Variants in NFATC2 observed in about 807,000 individuals in gnomAD.
NFATC2 encodes the protein nuclear factor of activated T-cells, cytoplasmic 2.
In NFATC2, 22 loss-of-function variants were observed where a neutral mutation model predicts 87.3. The observed-to-expected ratio is 0.25, with a 90% confidence interval of 0.18 to 0.36. NFATC2 has a LOEUF of 0.36. Ranked by LOEUF, NFATC2 falls within the 10% of genes least tolerant of loss-of-function variation. The probability of loss-of-function intolerance (pLI) is 1.00; values close to 1 mark genes in which losing one functional copy is unlikely to be tolerated. For missense variants in NFATC2, 1,149 were observed against 1,259.1 expected (o/e 0.91, Z 1.32); for synonymous variants, 565 against 542.2 (o/e 1.04, Z -0.58).
At chr20:51,515,616 GGGAC>G (rs2146687180) in intron 3 of NFATC2, among the ~76,000 whole-genome samples, 1 of 152,088 alleles carries the variant, frequency 6.6e-6, no homozygotes, top group East Asian at 1.9e-4. Context: ...ACAGGAAAAT[GGGAC>G]TCATGGTCAA....
At chr20:51,526,183 C>T (rs371620338) in intron 1 of NFATC2, among the ~76,000 whole-genome samples, 11 of 152,132 alleles carry the variant, frequency 7.2e-5, no homozygotes, top group Admixed American at 6.5e-4. Flanking sequence ...CAGCTCCCGT[C>T]GCACCAGGTA....
At chr20:51,542,008 G>A (rs1253701651) in intron 1 of NFATC2, among the ~76,000 whole-genome samples, 1 of 152,154 alleles carries the variant, frequency 6.6e-6, no homozygotes, top group Non-Finnish European at 1.5e-5. Context: ...TCCCTCCAAA[G>A]GCACAGAAAT....
intron 3 of NFATC2, among the ~76,000 whole-genome samples, chr20:51,485,409 G>A (rs904131698): frequency 2.0e-5 from 3 of 152,188 alleles, no homozygotes; most frequent in African/African-American, 7.2e-5. Context: ...TGTCAACCCA[G>A]CCACGGGCTC....
chr20:51,462,336 C>T (rs1386361228), intron 5 of NFATC2, among the ~76,000 whole-genome samples: 1 of 151,120 alleles, frequency 6.6e-6, no homozygotes, highest in Non-Finnish European at 1.5e-5. Flanking sequence ...ATCCCAGCTA[C>T]TTGGGAGGCT....
At chr20:51,557,817 GCACTC>G (rs1311270690) in intron 1 of NFATC2, among the ~76,000 whole-genome samples, 1 of 152,142 alleles carries the variant, frequency 6.6e-6, no homozygotes, top group Non-Finnish European at 1.5e-5. Flanking sequence ...TAAGTGCCAG[GCACTC>G]TCCTAGCACT....
intron 1 of NFATC2, among the ~76,000 whole-genome samples, chr20:51,527,757 G>A (rs867823102): frequency 1.3e-5 from 2 of 152,012 alleles, no homozygotes; most frequent in African/African-American, 2.4e-5. Flanking sequence ...CCAAACACAC[G>A]TGCCCCCGGA....
chr20:51,411,437 C>T (rs912207702), intron 9 of NFATC2, among the ~76,000 whole-genome samples: 1 of 151,752 alleles, frequency 6.6e-6, no homozygotes. Flanking sequence ...CATACACACA[C>T]CCATACACAC....
At chr20:51,462,763 T>C (rs895474041) in intron 5 of NFATC2, among the ~76,000 whole-genome samples, 3 of 152,190 alleles carry the variant, frequency 2.0e-5, no homozygotes, top group Non-Finnish European at 4.4e-5. Context: ...TTATTTTTAT[T>C]GCTAAACTTC....
chr20:51,562,049 A>C lies in NFATC2; in HGVS notation c.70+511T>G, dbSNP rs1195121674. On this transcript the variant is annotated intron_variant, in intron 1 of 10. Coordinates refer to the NFATC2 transcript ENST00000414705. The surrounding 1 kb of genome is among the most constrained non-coding windows in gnomAD (Gnocchi z 5.8). ...AGGCACATCAAAAAGGGGGAAGAAAATAGTTTAAATGTCCCAGAGCATCCG... is the reference window on the plus strand; with the variant it reads ...AGGCACATCAAAAAGGGGGAAGAAACTAGTTTAAATGTCCCAGAGCATCCG... Among the ~76,000 whole-genome samples, 1 of 152,180 alleles carries C rather than the reference A, an allele frequency of 6.6e-6. No individual in the cohort carries two copies. Among genetic ancestry groups the C allele is most frequent in the East Asian group, 1.9e-4 (1 of 5,200 alleles).
intron 6 of NFATC2, among the ~76,000 whole-genome samples, chr20:51,440,258 A>AAAAAAAAAAGG (rs1984152912): frequency 7.1e-6 from 1 of 141,552 alleles, no homozygotes; most frequent in Non-Finnish European, 1.6e-5. Flanking sequence ...AAAAAAAAAA[A>AAAAAAAAAAGG]TGTTCAACAG....
At chr20:51,492,396 C>T (rs879365308) in intron 3 of NFATC2, among the ~76,000 whole-genome samples, 1 of 152,360 alleles carries the variant, frequency 6.6e-6, no homozygotes, top group Admixed American at 6.5e-5. Context: ...ATGACATGGG[C>T]ACGCCACCCC....
intron 3 of NFATC2, among the ~76,000 whole-genome samples, chr20:51,494,650 G>C (rs1301249068): frequency 6.6e-6 from 1 of 152,162 alleles, no homozygotes; most frequent in African/African-American, 2.4e-5. Flanking sequence ...CAAGGCCGCG[G>C]CTCAGTCATC....
At chr20:51,398,362 C>T (rs1397052178) in intron 10 of NFATC2, among the ~76,000 whole-genome samples, 5 of 152,032 alleles carry the variant, frequency 3.3e-5, no homozygotes, top group Admixed American at 6.5e-5. Flanking sequence ...GCTCCAAAGA[C>T]GTTGCTGCAT....
intron 3 of NFATC2, among the ~76,000 whole-genome samples, chr20:51,483,047 TG>T (rs1989397830): frequency 6.6e-6 from 1 of 152,202 alleles, no homozygotes; most frequent in Non-Finnish European, 1.5e-5. Flanking sequence ...ACTCTACATT[TG>T]GCCCCCTGGT....
At chr20:51,489,044 G>T (rs1324075328) in intron 3 of NFATC2, among the ~76,000 whole-genome samples, 1 of 152,208 alleles carries the variant, frequency 6.6e-6, no homozygotes, top group East Asian at 1.9e-4. Context: ...ACAAAAATTA[G>T]CCAGACAGGG....
Position 51,432,587 on chromosome 20 carries a change from C to T in NFATC2, c.2202G>A (p.Gly734=). The T allele has an allele frequency of 6.5e-7, 1 of 1,531,182 alleles. No individual in the cohort carries two copies. The highest frequency in any genetic ancestry group is 8.8e-7 in the Non-Finnish European group (1 of 1,140,480). The allele number at this position is 1,531,182 out of a possible 1,614,324, so 94.8% of individuals were successfully genotyped here. The part of the protein sequence containing the change: ...TMAPCQQFRT[G]LSSPDARYQQ... Reference sequence around the variant, plus strand: ...GGTAGCGGGCGTCAGGGGATGAGAGCCCCGTGCGGAACTGCTGGCAGGGAG... The same window carrying T: ...GGTAGCGGGCGTCAGGGGATGAGAGTCCCGTGCGGAACTGCTGGCAGGGAG... Residue 734 remains glycine, a synonymous_variant, in exon 9 of 11, where the codon GGG becomes GGA. Transcript: ENST00000371564. The surrounding 1 kb of genome is among the most constrained non-coding windows in gnomAD (Gnocchi z 4.6).
At chr20:51,482,367 C>CT (rs11476808) in intron 3 of NFATC2, among the ~76,000 whole-genome samples, 240 of 149,442 alleles carry the variant, frequency 1.6e-3, no homozygotes, top group Middle Eastern at 6.9e-3. Context: ...CTTGCTGTTC[C>CT]TTTTTTTTTT....
At chr20:51,525,869 A>G (rs2076536075) in intron 1 of NFATC2, among the ~76,000 whole-genome samples, 1 of 151,652 alleles carries the variant, frequency 6.6e-6, no homozygotes, top group African/African-American at 2.4e-5. Flanking sequence ...GCTTCTGGAC[A>G]CTTTAGATGG....
intron 10 of NFATC2, among the ~76,000 whole-genome samples, chr20:51,395,323 T>TATTGATCCTTTAATTAACTTGTAC (rs1555863860): frequency 2.2e-4 from 18 of 82,486 alleles, no homozygotes; most frequent in African/African-American, 6.9e-4. Context: ...TTAACTTGTA[T>TATTGATCCTTTAATTAACTTGTAC]GGTATTGATC....
Sources: gnomAD v4.1 joint callset for allele counts (sites outside exome capture counted in the v4.1 genomes callset) on GRCh38, gnomAD v4.1.1 for gene constraint, Gnocchi (gnomAD v3.1) non-coding constraint, MANE v1.5 for transcripts, NCBI Gene and HGNC (gene_info 2026-07-23, HGNC 2026-07-21) for gene names.